Variants in TASP1 observed in about 807,000 individuals in gnomAD.
The protein encoded by TASP1 is threonine aspartase 1.
Under a neutral mutation model 56.6 loss-of-function variants are expected in TASP1, and 16 were observed. That is an observed-to-expected ratio of 0.28 (90% CI 0.19 to 0.43). The LOEUF (loss-of-function observed/expected upper bound fraction) is 0.43. Ranked by LOEUF, TASP1 falls within the 20% of genes least tolerant of loss-of-function variation. TASP1 has a pLI of 1.00. For synonymous variants in TASP1, 179 were observed against 184.2 expected, an observed-to-expected ratio of 0.97 and a Z score of 0.23; for missense variants, 393 against 511.6, an observed-to-expected ratio of 0.77 and a Z score of 2.24.
the TASP1 span, among the ~76,000 whole-genome samples, chr20:13,232,528 T>C: frequency 6.6e-6 from 1 of 152,262 alleles, no homozygotes; most frequent in Non-Finnish European, 1.5e-5. Context: ...CCACCATATG[T>C]TTACCCATTG....
chr20:13,562,985 T>TATACACATATATACACACAC (rs2046398541), intron 7 of TASP1, among the ~76,000 whole-genome samples: 1 of 140,804 alleles, frequency 7.1e-6, no homozygotes, highest in African/African-American at 2.6e-5. Context: ...TGTGTGTGTA[T>TATACACATATATACACACAC]ATACACATAT....
chr20:13,621,838 T>C (rs1230766657), intron 4 of TASP1, among the ~76,000 whole-genome samples: 1 of 152,222 alleles, frequency 6.6e-6, no homozygotes, highest in Non-Finnish European at 1.5e-5. Flanking sequence ...GTTGCCATTC[T>C]AGTATATTCT....
intron 8 of TASP1, among the ~76,000 whole-genome samples, chr20:13,542,906 G>T (rs1337875817): frequency 6.7e-6 from 1 of 150,234 alleles, no homozygotes; most frequent in Non-Finnish European, 1.5e-5. Context: ...TCCAACAAAA[G>T]AAATTAGAAA....
At chr20:13,208,696 G>C in the TASP1 span, among the ~76,000 whole-genome samples, 2 of 152,120 alleles carry the variant, frequency 1.3e-5, no homozygotes, top group African/African-American at 4.8e-5. Flanking sequence ...ATCATTATGA[G>C]AACAAGTCCA....
At chr20:13,377,255 C>T in the TASP1 span, among the ~76,000 whole-genome samples, 2 of 152,100 alleles carry the variant, frequency 1.3e-5, no homozygotes, top group Admixed American at 1.3e-4. Context: ...CCATCGATAC[C>T]TAGTTTATTG....
chr20:13,391,584 A>C (rs2041280316), intron 13 of TASP1, among the ~76,000 whole-genome samples: 2 of 152,094 alleles, frequency 1.3e-5, no homozygotes, highest in Admixed American at 6.5e-5. Flanking sequence ...CTTCCTGTGG[A>C]GATCTCAATG....
At chr20:13,113,995 G>T in the TASP1 span, among the ~76,000 whole-genome samples, 1 of 152,178 alleles carries the variant, frequency 6.6e-6, no homozygotes, top group Non-Finnish European at 1.5e-5. Context: ...AGGCTCCGAG[G>T]CTTAGATTAC....
the TASP1 span, among the ~76,000 whole-genome samples, chr20:13,157,106 A>G: frequency 6.6e-6 from 1 of 152,132 alleles, no homozygotes; most frequent in Non-Finnish European, 1.5e-5. Flanking sequence ...GTTTAGCCCT[A>G]GTTTATAAAT....
At chr20:13,334,180 C>T in the TASP1 span, among the ~76,000 whole-genome samples, 1 of 152,026 alleles carries the variant, frequency 6.6e-6, no homozygotes. Context: ...AGGTTTGAGG[C>T]AGAAATCCAT....
At chr20:13,216,561 G>C in the TASP1 span, among the ~76,000 whole-genome samples, 3 of 152,028 alleles carry the variant, frequency 2.0e-5, no homozygotes, top group Admixed American at 1.3e-4. Flanking sequence ...AGCCCACAAA[G>C]ACAAAAAATA....
At chr20:13,243,270 G>A in the TASP1 span, among the ~76,000 whole-genome samples, 1 of 152,114 alleles carries the variant, frequency 6.6e-6, no homozygotes, top group Admixed American at 6.5e-5. Context: ...TCAGTTCCAT[G>A]CAGTCATTCA....
rs1293286161 is a variant in TASP1 at position 13,562,913 on chromosome 20, ATATG to A, written c.569-3803_569-3800del. Among the ~76,000 whole-genome samples, 106 of 113,740 alleles carry A rather than the reference ATATG, an allele frequency of 9.3e-4. 1 individual carries two copies. In the East Asian group the frequency reaches 0.02, roughly 21 times the overall value. 74.6% of individuals were successfully genotyped at this position (113,740 alleles called of 152,430 possible). On this transcript the variant is annotated intron_variant, in intron 7 of 13. Coordinates refer to ENST00000337743, the MANE Select transcript of TASP1 (RefSeq NM_017714.3). Reference sequence around the variant, plus strand: ...AAATTATATCTCTATATACATATATATATGTGTGTGTGTGTGTGTGTGTGTGTGT... The same window carrying A: ...AAATTATATCTCTATATACATATATATGTGTGTGTGTGTGTGTGTGTGTGT...
At chr20:13,585,706 A>G (rs1356652343) in intron 5 of TASP1, among the ~76,000 whole-genome samples, 1 of 152,212 alleles carries the variant, frequency 6.6e-6, no homozygotes, top group Admixed American at 6.5e-5. Context: ...AACAATTAAC[A>G]ATACCAAAAA....
At chr20:13,511,511 AT>A in intron 10 of TASP1, among the ~76,000 whole-genome samples, 1 of 152,240 alleles carries the variant, frequency 6.6e-6, no homozygotes, top group East Asian at 1.9e-4. Flanking sequence ...AGGGTAATAG[AT>A]TTTATCAAAA....
chr20:13,466,536 C>T (rs571164527), intron 11 of TASP1, among the ~76,000 whole-genome samples: 19 of 152,198 alleles, frequency 1.2e-4, no homozygotes, highest in African/African-American at 2.2e-4. Flanking sequence ...CACAAGGTCA[C>T]GAGTTCAAGA....
chr20:13,584,258 A>G (rs1396115297), intron 5 of TASP1, among the ~76,000 whole-genome samples: 1 of 152,256 alleles, frequency 6.6e-6, no homozygotes, highest in East Asian at 1.9e-4. Context: ...TACATATGTT[A>G]GAAGAAAATA....
chr20:13,157,414 G>A, the TASP1 span, among the ~76,000 whole-genome samples: 11 of 151,984 alleles, frequency 7.2e-5, no homozygotes, highest in African/African-American at 2.2e-4. Flanking sequence ...TCCAGCCTGG[G>A]CAACAAGAGT....
intron 8 of TASP1, among the ~76,000 whole-genome samples, chr20:13,550,043 T>C (rs2045927086): frequency 1.3e-5 from 2 of 151,986 alleles, no homozygotes; most frequent in African/African-American, 4.8e-5. Context: ...AAGGTATAGC[T>C]TGGTGTGGAT....
intron 13 of TASP1, among the ~76,000 whole-genome samples, chr20:13,406,767 C>T (rs1438312743): frequency 1.3e-5 from 2 of 151,028 alleles, no homozygotes; most frequent in Admixed American, 1.3e-4. Context: ...CCCAGGTTCA[C>T]GCCATTCTCC....
Sources: gnomAD v4.1 joint callset for allele counts (sites outside exome capture counted in the v4.1 genomes callset) on GRCh38, gnomAD v4.1.1 for gene constraint, MANE v1.5 for transcripts, NCBI Gene and HGNC (gene_info 2026-07-23, HGNC 2026-07-21) for gene names.